The following PCSK5 variants were observed in gnomAD, a reference collection of about 807,000 sequenced individuals.
PCSK5 encodes the protein prohormone convertase 5.
A neutral mutation model predicts 233.2 loss-of-function variants in PCSK5; 129 were observed. The ratio of observed to expected loss-of-function variants is 0.55; its 90% CI spans 0.48 to 0.64. PCSK5 has a LOEUF of 0.64. Among genes scored for constraint, PCSK5 ranks in the 30% least tolerant of loss-of-function variants. PCSK5 has a pLI of 0.00. For missense variants in PCSK5, 2,076 were observed against 2,430.1 expected, an observed-to-expected ratio of 0.85 and a Z score of 3.06; for synonymous variants, 825 against 879.2, an observed-to-expected ratio of 0.94 and a Z score of 1.09.
intron 24 of PCSK5, among the ~76,000 whole-genome samples, chr9:76,272,041 T>C (rs1827528696): frequency 6.6e-6 from 1 of 152,212 alleles, no homozygotes; most frequent in Non-Finnish European, 1.5e-5. Context: ...TATTGCCAAG[T>C]ACATAGAGTA....
At chr9:76,142,721 A>G (rs573114085) in intron 10 of PCSK5, among the ~76,000 whole-genome samples, 1 of 152,336 alleles carries the variant, frequency 6.6e-6, no homozygotes, top group South Asian at 2.1e-4. Flanking sequence ...ATATAGAGCT[A>G]TATCCATTAA....
chr9:76,097,246 CTTTTTTTT>C lies in PCSK5; in HGVS notation c.1107+1161_1107+1168del, dbSNP rs71372046. On this transcript the variant is annotated intron_variant, in intron 8 of 37. Coordinates refer to ENST00000674117, the MANE Select transcript of PCSK5 (RefSeq NM_001372043.1). ...CCGCGCCCAGCCAAAAAGTGCATTT[CTTTTTTTT>C]TTTTTTTTTTTTTTTTGAGACGGAG... Among the ~76,000 whole-genome samples the C allele has an allele frequency of 1.6e-4, 11 of 67,342 alleles. No homozygotes were observed. The East Asian group carries it at 4.6e-3, about 28-fold the overall frequency. 44.2% of individuals were successfully genotyped at this position (67,342 alleles called of 152,430 possible). A position where few individuals can be genotyped will look rare whatever the true frequency, so the allele number is the denominator to read the frequency against.
At chr9:76,048,727 G>A (rs1384641939) in intron 5 of PCSK5, among the ~76,000 whole-genome samples, 1 of 152,178 alleles carries the variant, frequency 6.6e-6, no homozygotes, top group Non-Finnish European at 1.5e-5. Flanking sequence ...GAGAACCTAA[G>A]TGAAACTGCC....
At chr9:76,134,081 C>A (rs1407877974) in intron 9 of PCSK5, 28 bp from the exon 10 acceptor site, 9 of 1,320,082 alleles carry the variant, frequency 6.8e-6, no homozygotes, top group Middle Eastern at 1.9e-4. Context: ...TTTTTTGGTA[C>A]AATGATTCTT....
chr9:75,908,022 A>G (rs774824269), intron 1 of PCSK5, among the ~76,000 whole-genome samples: 4 of 152,208 alleles, frequency 2.6e-5, no homozygotes, highest in African/African-American at 9.7e-5. Context: ...GGGATTGCAG[A>G]CTCTAGAACA....
chr9:75,984,524 G>A (rs1461780474), intron 2 of PCSK5, among the ~76,000 whole-genome samples: 1 of 152,076 alleles, frequency 6.6e-6, no homozygotes, highest in Non-Finnish European at 1.5e-5. Flanking sequence ...AACTTTATTA[G>A]GATAATACTT....
At chr9:76,032,507 C>G (rs1481376014) in intron 5 of PCSK5, among the ~76,000 whole-genome samples, 3 of 152,164 alleles carry the variant, frequency 2.0e-5, no homozygotes, top group African/African-American at 7.2e-5. Context: ...GAAATCACCT[C>G]TGAAGTACAA....
At chr9:75,958,460 C>G (rs1232949177) in intron 2 of PCSK5, among the ~76,000 whole-genome samples, 2 of 152,150 alleles carry the variant, frequency 1.3e-5, no homozygotes, top group Admixed American at 6.5e-5. Context: ...GGAAGGAATT[C>G]TGTTTTCTGA....
intron 12 of PCSK5, among the ~76,000 whole-genome samples, chr9:76,159,653 AC>A (rs1249204609): frequency 6.6e-6 from 1 of 152,210 alleles, no homozygotes; most frequent in East Asian, 1.9e-4. Context: ...CTTTATCCCA[AC>A]TACTCAACTC....
intron 22 of PCSK5, 125 bp from the exon 23 acceptor site, chr9:76,238,834 C>T (rs1286881742): frequency 1.5e-6 from 1 of 669,840 alleles, no homozygotes; most frequent in Non-Finnish European, 2.6e-6. Context: ...TCCTTACACC[C>T]CTCATCCACT....
At chr9:76,074,128 A>G (rs1830566258) in intron 7 of PCSK5, among the ~76,000 whole-genome samples, 1 of 152,224 alleles carries the variant, frequency 6.6e-6, no homozygotes, top group Admixed American at 6.5e-5. Flanking sequence ...ACCACTGTTA[A>G]GAGTATAAGC....
chr9:76,156,395 G>A (rs1822586673), intron 10 of PCSK5, among the ~76,000 whole-genome samples: 11 of 152,072 alleles, frequency 7.2e-5, no homozygotes, highest in Admixed American at 7.2e-4. Flanking sequence ...AATATTTCCT[G>A]GATAAAGTTT....
rs191239570 is a variant in PCSK5, at chr9:76,043,642, A to G, written c.632+16605A>G. 5.3e-3 allele frequency among the ~76,000 whole-genome samples: 812 copies of G among 152,334 alleles called. 5 individuals are homozygous for G. Among genetic ancestry groups the G allele is most frequent in the Non-Finnish European group, 8.3e-3 (568 of 68,034 alleles). On this transcript the variant is annotated intron_variant, in intron 5 of 37. Transcript: ENST00000674117. Reference sequence around the variant, plus strand: ...GTTCACTAAGAAATTTTAGAATGAAAAAATGAAAATGGGCCATGCACATAT... The same window carrying G: ...GTTCACTAAGAAATTTTAGAATGAAGAAATGAAAATGGGCCATGCACATAT...
intron 10 of PCSK5, among the ~76,000 whole-genome samples, chr9:76,148,343 TTCTCTCTCCC>T (rs76717187): frequency 0.7 from 97,347 of 139,742 alleles, 33,928 homozygotes; most frequent in East Asian, 0.76. Flanking sequence ...GGGAGGGAGT[TTCTCTCTCCC>T]TCTCTCTCCC....
In PCSK5 at chr9:76,332,562, C is replaced by T. The variant is rs748448537; in HGVS notation, c.4700C>T (p.Pro1567Leu). 2.2e-5 allele frequency: 36 copies of T among 1,609,884 alleles called. No individual in the cohort carries two copies. The Admixed American group carries it at 4.4e-4, about 20-fold the overall frequency. Residue 1567 changes from proline to leucine, a missense_variant, in exon 34 of 38, where the codon CCG (proline) becomes CTG (leucine). By Grantham distance (98) the Pro-to-Leu change is moderately conservative. This residue lies in a region of PCSK5 where 1,510 missense variants were observed against 1,538.1 expected (regional missense o/e 0.98). Coordinates refer to ENST00000674117, the MANE Select transcript of PCSK5 (RefSeq NM_001372043.1). ...RHSRQCHSCRPGWFQLGKECL... is the reference protein window; with the variant it reads ...RHSRQCHSCRLGWFQLGKECL... ...AGCAGGCAGTGCCACTCCTGCCGAC[C>T]GGGCTGGTTCCAGCTAGGAAAAGAG... is the stretch of plus-strand genomic sequence containing the variant.
intron 10 of PCSK5, 59 bp from the exon 11 acceptor site, chr9:76,156,986 G>A (rs1277396308): frequency 8.7e-7 from 1 of 1,149,278 alleles, no homozygotes; most frequent in Non-Finnish European, 1.3e-6. Flanking sequence ...TCTACTGAGT[G>A]ACGTTATAAT....
intron 10 of PCSK5, among the ~76,000 whole-genome samples, chr9:76,146,917 G>A (rs754729753): frequency 3.3e-4 from 50 of 152,186 alleles, no homozygotes; most frequent in African/African-American, 9.9e-4. Context: ...GATTTTATTA[G>A]CTACTGTGTA....
chr9:76,232,293 C>T (rs1397889348), intron 21 of PCSK5, among the ~76,000 whole-genome samples: 1 of 152,160 alleles, frequency 6.6e-6, no homozygotes, highest in East Asian at 1.9e-4. Context: ...CTCAGATGTC[C>T]CAGGCCTGGA....
Position 76,096,067 on chromosome 9 carries a change from A to G in PCSK5, c.1072A>G (p.Thr358Ala). The G allele has an allele frequency of 6.2e-7, 1 of 1,613,988 alleles. No homozygotes were observed. The highest frequency in any genetic ancestry group is 8.5e-7 in the Non-Finnish European group (1 of 1,179,974). ...AGAGTGTTCATCCACGCTGGCCACA[A>G]CCTACAGCAGCGGGGAGTCCTACGA... ...LEECSSTLAT[T>A]YSSGESYDKK... Residue 358 changes from threonine to alanine, a missense_variant, in exon 8 of 38, where the codon ACC (threonine) becomes GCC (alanine). This residue lies in a region of PCSK5 where 178 missense variants were observed against 393.6 expected (regional missense o/e 0.45). Coordinates refer to ENST00000674117, the MANE Select transcript of PCSK5 (RefSeq NM_001372043.1).
Sources: gnomAD v4.1 joint callset for allele counts (sites outside exome capture counted in the v4.1 genomes callset) on GRCh38, gnomAD v4.1.1 for gene constraint, gnomAD v4.1.1 regional missense constraint, MANE v1.5 for transcripts, NCBI Gene and HGNC (gene_info 2026-07-23, HGNC 2026-07-21) for gene names.